Variants in ZNF777 observed in about 807,000 individuals in gnomAD.
ZNF777 encodes zinc finger protein 777.
A neutral mutation model predicts 72.1 loss-of-function variants in ZNF777; 7 were observed. The observed-to-expected ratio is 0.10, with a 90% CI of 0.06 to 0.18. The LOEUF (loss-of-function observed/expected upper bound fraction) is 0.18. Ranked by LOEUF, ZNF777 falls within the 10% of genes least tolerant of loss-of-function variation. The probability of loss-of-function intolerance (pLI) is 1.00; values close to 1 mark genes in which losing one functional copy is unlikely to be tolerated. For missense variants in ZNF777, 828 were observed against 1,128.6 expected (o/e 0.73, Z 3.82); for synonymous variants, 545 against 483.5 (o/e 1.13, Z -1.67).
In ZNF777 at chr7:149,455,734, G is replaced by C. The variant is rs1191914772; in HGVS notation, c.289C>G (p.Leu97Val). Reference protein sequence around the residue: ...SEQETSLQGPLASQEGTQYPP... With the variant: ...SEQETSLQGPVASQEGTQYPP... Reference sequence around the variant, plus strand: ...TACTGGGTCCCTTCCTGGGAAGCCAGGGGGCCCTGGAGAGAAGTCTCTTGC... The same window carrying C: ...TACTGGGTCCCTTCCTGGGAAGCCACGGGGCCCTGGAGAGAAGTCTCTTGC... The change falls in exon 2 of 6, where the codon CTG (leucine) becomes GTG (valine). Residue 97 changes from leucine to valine, a missense_variant. Physicochemically the swap from Leu to Val is conservative, Grantham distance 32. Transcript: ENST00000247930. This position sits in a 1 kb window ranked among gnomAD's most constrained non-coding sequence, Gnocchi z 4.2. 3 of 1,581,870 alleles carry C rather than the reference G, an allele frequency of 1.9e-6. No homozygotes were observed. Among genetic ancestry groups the C allele is most frequent in the African/African-American group, 2.7e-5 (2 of 73,610 alleles).
In ZNF777 at chr7:149,455,517, G is replaced by A; in HGVS notation, c.506C>T (p.Ser169Phe). The A allele has an allele frequency of 6.2e-7, 1 of 1,614,100 alleles. No individual in the cohort carries two copies. The highest frequency in any genetic ancestry group is 8.5e-7 in the Non-Finnish European group (1 of 1,180,028). The change falls in exon 2 of 6, where the codon TCT becomes TTT. Residue 169 changes from serine to phenylalanine, a missense_variant. Around this residue, in one of 12 missense-constraint regions of ZNF777, gnomAD observed 222 missense variants for 211.2 expected, o/e 1.05. Coordinates refer to ENST00000247930, the MANE Select transcript of ZNF777 (RefSeq NM_015694.3). The surrounding 1 kb of genome is among the most constrained non-coding windows in gnomAD (Gnocchi z 4.2). ...CGGCTGTTCCTTCTGGACTGCAGAA[G>A]AGATCTGGAAAGGGGTGTCCTTTTG... Reference protein sequence around the residue: ...VSQKDTPFQISSAVQKEQPLP... With the variant: ...VSQKDTPFQIFSAVQKEQPLP...
chr7:149,444,123 T>C (rs565259663), intron 4 of ZNF777, among the ~76,000 whole-genome samples: 74 of 152,314 alleles, frequency 4.9e-4, no homozygotes, highest in Non-Finnish European at 8.5e-4. Context: ...CAATACAGTT[T>C]TGTTGTAATT....
intron 5 of ZNF777, among the ~76,000 whole-genome samples, chr7:149,433,670 A>C (rs7779196): frequency 0.047 from 7,086 of 152,244 alleles, 422 homozygotes; most frequent in African/African-American, 0.13. Context: ...AGGGATCAGG[A>C]ACCCAGCCTT....
At chr7:149,449,238 A>G (rs973466147) in intron 4 of ZNF777, among the ~76,000 whole-genome samples, 2 of 152,022 alleles carry the variant, frequency 1.3e-5, no homozygotes, top group African/African-American at 4.8e-5. Flanking sequence ...CCCACTGCAG[A>G]CTCCCAGGGC....
intron 4 of ZNF777, among the ~76,000 whole-genome samples, chr7:149,447,155 C>T (rs183530621): frequency 6.6e-6 from 1 of 152,188 alleles, no homozygotes; most frequent in Non-Finnish European, 1.5e-5. Flanking sequence ...CGGGCCCCAT[C>T]ATGAACAACA....
At chr7:149,451,272 T>A (rs561561702) in intron 3 of ZNF777, among the ~76,000 whole-genome samples, 160 bp from the exon 4 acceptor site, 1 of 151,988 alleles carries the variant, frequency 6.6e-6, no homozygotes, top group Admixed American at 6.5e-5. Context: ...GAGCCCACTG[T>A]GGGTGTGGGG....
At chr7:149,440,674 T>G (rs1368224945) in intron 4 of ZNF777, among the ~76,000 whole-genome samples, 1 of 21,694 alleles carries the variant, frequency 4.6e-5, no homozygotes, top group Admixed American at 5.5e-4. Context: ...TGTTTTTTTG[T>G]TTTTTTTTTT....
chr7:149,449,750 T>C (rs926541430), intron 4 of ZNF777, among the ~76,000 whole-genome samples: 5 of 152,148 alleles, frequency 3.3e-5, no homozygotes, highest in Non-Finnish European at 7.3e-5. Flanking sequence ...CTGTCACCAA[T>C]CCCTCATCCT....
At position 149,454,193 on chromosome 7, in the gene ZNF777, C is replaced by G; in HGVS notation, c.891G>C (p.Gln297His). ...FDDVAVHFSE[Q>H]EWGNLSEWQK... ...GCCACTCAGACAGGTTTCCCCACTC[C>G]TGCTCCGAGAAGTGCACAGCAACAT... The change falls in exon 3 of 6, where the codon CAG (glutamine) becomes CAC (histidine). Residue 297 changes from glutamine (Q) to histidine (H), a missense_variant. By Grantham distance (24) the Gln-to-His change is conservative. Coordinates refer to ENST00000247930, the MANE Select transcript of ZNF777 (RefSeq NM_015694.3). 6.2e-7 allele frequency: 1 copy of G among 1,614,236 alleles called. No individual in the cohort carries two copies. Among genetic ancestry groups the G allele is most frequent in the Non-Finnish European group, 8.5e-7 (1 of 1,180,042 alleles).
Position 149,450,775 on chromosome 7 carries a change from G to A in ZNF777, c.1087+224C>T, listed in dbSNP as rs149088255. Among the ~76,000 whole-genome samples, 195 of 152,314 alleles carry A rather than the reference G, an allele frequency of 1.3e-3. 2 individuals carry two copies. Among genetic ancestry groups the A allele is most frequent in the African/African-American group, 4.6e-3 (191 of 41,564 alleles). On this transcript the variant is annotated intron_variant, in intron 4 of 5. Coordinates refer to ENST00000247930, the MANE Select transcript of ZNF777 (RefSeq NM_015694.3). ...AGAGAGTGAGGTGACACTTGGTCAT[G>A]TCAAAAAATTCCTGAGACAGTGAAC... is the stretch of plus-strand genomic sequence containing the variant.
intron 4 of ZNF777, among the ~76,000 whole-genome samples, chr7:149,437,342 AAC>A (rs1799431536): frequency 6.6e-6 from 1 of 152,184 alleles, no homozygotes; most frequent in African/African-American, 2.4e-5. Flanking sequence ...CGGTACAGTT[AAC>A]ACAGTTTCTC....
In ZNF777 at chr7:149,460,320, G is replaced by T. The variant is rs1456028932; in HGVS notation, c.-16+495C>A. Among the ~76,000 whole-genome samples the T allele has an allele frequency of 6.9e-6, 1 of 145,828 alleles. No homozygotes were observed. Among genetic ancestry groups the T allele is most frequent in the African/African-American group, 2.5e-5 (1 of 40,746 alleles). ...CGGCCGTCGGGCCCCGGCCTGCTCGGGGCGCGCGGGGCGAGCGGGCGCGGG... is the reference window on the plus strand; with the variant it reads ...CGGCCGTCGGGCCCCGGCCTGCTCGTGGCGCGCGGGGCGAGCGGGCGCGGG... On this transcript the variant is annotated intron_variant, in intron 1 of 5. Transcript: ENST00000247930. This position sits in a 1 kb window ranked among gnomAD's most constrained non-coding sequence, Gnocchi z 6.1.
At position 149,442,005 on chromosome 7, in the gene ZNF777, C is replaced by T. The variant is rs115206815; in HGVS notation, c.1088-5179G>A. Reference sequence around the variant, plus strand: ...TAACGTCAGGACAAACTCCTGACGTCAGGAGTTCGAGACCAGCCTGGCCAT... The same window carrying T: ...TAACGTCAGGACAAACTCCTGACGTTAGGAGTTCGAGACCAGCCTGGCCAT... On this transcript the variant is annotated intron_variant, in intron 4 of 5. Transcript: ENST00000247930. 2.5e-3 allele frequency among the ~76,000 whole-genome samples: 385 copies of T among 151,532 alleles called. 3 individuals carry two copies. Among genetic ancestry groups the T allele is most frequent in the African/African-American group, 8.8e-3 (365 of 41,324 alleles).
At chr7:149,441,977 G>A (rs763058434) in intron 4 of ZNF777, among the ~76,000 whole-genome samples, 17 of 151,380 alleles carry the variant, frequency 1.1e-4, no homozygotes, top group Non-Finnish European at 2.2e-4. Flanking sequence ...AGGCTGAGGC[G>A]GGTAACGTCA....
intron 1 of ZNF777, among the ~76,000 whole-genome samples, chr7:149,456,841 C>T (rs1309322576): frequency 2.0e-5 from 3 of 152,192 alleles, no homozygotes; most frequent in African/African-American, 4.8e-5. Context: ...TCTATGTGCC[C>T]GGCCCCTGCT....
Position 149,456,153 on chromosome 7 carries a change from G to A in ZNF777, c.-15-116C>T, listed in dbSNP as rs1799827533. The stretch of plus-strand genomic sequence containing the variant: ...TGCTTCCGTTTGGTAGCAATAATAT[G>A]TGCCCCTCATATGTGAATCTCTTCT... On this transcript the variant is annotated intron_variant, in intron 1 of 5. Coordinates refer to ENST00000247930, the MANE Select transcript of ZNF777 (RefSeq NM_015694.3). 41 of 1,126,428 alleles carry A rather than the reference G, an allele frequency of 3.6e-5. No individual in the cohort carries two copies. The South Asian group carries it at 8.4e-4, about 23-fold the overall frequency. 69.8% of individuals were successfully genotyped at this position (1,126,428 alleles called of 1,614,324 possible). A position where few individuals can be genotyped will look rare whatever the true frequency, so the allele number is the denominator to read the frequency against.
At chr7:149,448,510 T>TATATATAA (rs1351675498) in intron 4 of ZNF777, among the ~76,000 whole-genome samples, 2,891 of 122,296 alleles carry the variant, frequency 0.024, 119 homozygotes, top group South Asian at 0.041. Flanking sequence ...TATATATATA[T>TATATATAA]AACTATATAT....
In ZNF777 at chr7:149,454,097, A is replaced by T; in HGVS notation, c.973+14T>A. 3 of 1,614,094 alleles carry T rather than the reference A, an allele frequency of 1.9e-6. No homozygotes were observed. The highest frequency in any genetic ancestry group is 2.5e-6 in the Non-Finnish European group (3 of 1,179,962). ...CGTCCAGGCAGCCCCCAGCGAGCGA[A>T]GGCTTCTCCTTACCCATGGAAACCA... On this transcript the variant is annotated intron_variant, in intron 3 of 5. Transcript: ENST00000247930.
chr7:149,433,444 A>C (rs1007065634), intron 5 of ZNF777, among the ~76,000 whole-genome samples: 1 of 152,206 alleles, frequency 6.6e-6, no homozygotes, highest in Non-Finnish European at 1.5e-5. Context: ...TCCACTCCTA[A>C]GGTTCTCAGT....
Sources: allele counts gnomAD v4.1 joint callset (sites outside exome capture counted in the v4.1 genomes callset), GRCh38; gene constraint gnomAD v4.1.1; regional missense constraint gnomAD v4.1.1; non-coding constraint Gnocchi (gnomAD v3.1); transcripts MANE v1.5; gene names NCBI Gene and HGNC (gene_info 2026-07-23, HGNC 2026-07-21).